KCMF1: variants seen among roughly 807,000 people sequenced by gnomAD.
KCMF1 encodes the protein potassium channel modulatory factor 1.
A neutral mutation model predicts 41.1 loss-of-function variants in KCMF1; 3 were observed. The ratio of observed to expected loss-of-function variants is 0.07; its 90% CI spans 0.03 to 0.19. The LOEUF (loss-of-function observed/expected upper bound fraction) is 0.19. Ranked by LOEUF, KCMF1 falls within the 10% of genes least tolerant of loss-of-function variation. The pLI is 1.00. For missense variants in KCMF1, 286 were observed against 488.9 expected (o/e 0.58, Z 3.91); for synonymous variants, 142 against 164.5 (o/e 0.86, Z 1.04).
chr2:85,006,243 C>T (rs935944568), intron 1 of KCMF1, among the ~76,000 whole-genome samples: 1 of 150,870 alleles, frequency 6.6e-6, no homozygotes, highest in African/African-American at 2.4e-5. Context: ...TTTATAGTTT[C>T]ACTTTCCTTA....
In KCMF1 at chr2:85,049,054, C is replaced by T. The variant is rs1260060339; in HGVS notation, c.602-312C>T. Among the ~76,000 whole-genome samples, 39 of 152,182 alleles carry T rather than the reference C, an allele frequency of 2.6e-4. 2 individuals carry two copies. The highest frequency in any genetic ancestry group is 1.5e-5 in the Non-Finnish European group (1 of 68,042). On this transcript the variant is annotated intron_variant, in intron 5 of 6. Coordinates refer to ENST00000409785, the MANE Select transcript of KCMF1 (RefSeq NM_020122.5). ...TATTATAATTGGGCCCACAGATAAA[C>T]CACTTCATTAAATACTAAGAGAAAG...
At chr2:84,998,619 G>A (rs1674234670) in intron 1 of KCMF1, among the ~76,000 whole-genome samples, 1 of 149,896 alleles carries the variant, frequency 6.7e-6, no homozygotes, top group Admixed American at 6.7e-5. Context: ...TTACTTATTT[G>A]AGACAGAGTC....
chr2:85,011,885 T>A (rs751156213), intron 1 of KCMF1, among the ~76,000 whole-genome samples: 5 of 152,192 alleles, frequency 3.3e-5, no homozygotes, highest in Non-Finnish European at 5.9e-5. Context: ...CTGAAATTGA[T>A]GCCATTAGCC....
intron 1 of KCMF1, 27 bp from the exon 2 acceptor site, chr2:85,027,862 A>G (rs999494961): frequency 2.0e-6 from 3 of 1,504,998 alleles, no homozygotes; most frequent in Non-Finnish European, 2.7e-6. Context: ...TACAACTGGT[A>G]ACTAAAGATA....
At chr2:85,008,320 TC>T (rs1558573473) in intron 1 of KCMF1, among the ~76,000 whole-genome samples, 19 of 68,192 alleles carry the variant, frequency 2.8e-4, no homozygotes, top group East Asian at 6.2e-4. Flanking sequence ...GATATATATA[TC>T]ATATATAATA....
At chr2:85,022,355 T>G (rs1674966557) in intron 1 of KCMF1, among the ~76,000 whole-genome samples, 1 of 151,982 alleles carries the variant, frequency 6.6e-6, no homozygotes. Context: ...ACACCAGTAG[T>G]CCCAGCTACT....
intron 1 of KCMF1, among the ~76,000 whole-genome samples, chr2:84,988,365 G>A (rs981774794): frequency 1.3e-5 from 2 of 152,156 alleles, no homozygotes; most frequent in Non-Finnish European, 2.9e-5. Flanking sequence ...TATGTGCCAG[G>A]CACTGTTGTA....
chr2:85,027,636 A>G lies in KCMF1; in HGVS notation c.17-253A>G, dbSNP rs573694682. The stretch of plus-strand genomic sequence containing the variant: ...GTGATCCACCCGCCTCGACCCCCGC[A>G]AAGTGCTCAGATTACAGGCGTGAGC... On this transcript the variant is annotated intron_variant, in intron 1 of 6. Coordinates refer to ENST00000409785, the MANE Select transcript of KCMF1 (RefSeq NM_020122.5). Among the ~76,000 whole-genome samples, 16 of 152,194 alleles carry G rather than the reference A, an allele frequency of 1.1e-4. 1 individual carries two copies. The South Asian group carries it at 3.3e-3, about 32-fold the overall frequency.
At chr2:85,050,844 T>C (rs543405885) in intron 6 of KCMF1, among the ~76,000 whole-genome samples, 26 of 152,390 alleles carry the variant, frequency 1.7e-4, no homozygotes, top group Admixed American at 6.5e-4. Flanking sequence ...TGTATAGTTA[T>C]AAATAACATA....
At chr2:85,037,327 T>C (rs1422828550) in intron 3 of KCMF1, among the ~76,000 whole-genome samples, 1 of 152,198 alleles carries the variant, frequency 6.6e-6, no homozygotes, top group Non-Finnish European at 1.5e-5. Flanking sequence ...CAGATAAGAA[T>C]CTTTAATATA....
chr2:85,035,293 T>G, intron 3 of KCMF1, 138 bp downstream of exon 3: 1 of 831,018 alleles, frequency 1.2e-6, no homozygotes, highest in African/African-American at 1.7e-5. Flanking sequence ...AATCATCTTT[T>G]AACAGCAAAT....
intron 6 of KCMF1, among the ~76,000 whole-genome samples, chr2:85,051,803 T>C (rs1357194935): frequency 6.6e-6 from 1 of 152,176 alleles, no homozygotes; most frequent in Non-Finnish European, 1.5e-5. Flanking sequence ...TTATTTACTG[T>C]TGGGCTTCTT....
At chr2:85,038,911 C>T (rs937310298) in intron 3 of KCMF1, among the ~76,000 whole-genome samples, 5 of 152,158 alleles carry the variant, frequency 3.3e-5, no homozygotes, top group African/African-American at 9.7e-5. Context: ...GTAGAGACTT[C>T]GTCTCACCGT....
At chr2:85,032,474 T>G (rs1270051607) in intron 2 of KCMF1, among the ~76,000 whole-genome samples, 4 of 152,152 alleles carry the variant, frequency 2.6e-5, no homozygotes, top group African/African-American at 9.7e-5. Context: ...CCTCCCGGGT[T>G]CAAGTGATTC....
intron 1 of KCMF1, among the ~76,000 whole-genome samples, chr2:85,017,070 T>C (rs1388560528): frequency 2.1e-5 from 3 of 145,806 alleles, no homozygotes; most frequent in Non-Finnish European, 4.5e-5. Flanking sequence ...CAGGCGGGAC[T>C]GCGGACTGCA....
chr2:84,997,215 T>C (rs1233223175), intron 1 of KCMF1, among the ~76,000 whole-genome samples: 3 of 152,204 alleles, frequency 2.0e-5, no homozygotes, highest in African/African-American at 4.8e-5. Context: ...CACTTTTTTT[T>C]CCCTCATAAA....
At chr2:85,008,321 C>T (rs764171036) in intron 1 of KCMF1, among the ~76,000 whole-genome samples, 7 of 43,948 alleles carry the variant, frequency 1.6e-4, no homozygotes, top group African/African-American at 5.9e-4. Context: ...ATATATATAT[C>T]ATATATAATA....
chr2:84,971,418 C>A lies in KCMF1; in HGVS notation c.-34C>A. ...CGCGGGGGACACTGCAGCCGGAGCC[C>A]GGGAGGGGCCGCGCCGCCACCGTCT... On this transcript the variant is annotated 5_prime_UTR_variant, in exon 1 of 7. Coordinates refer to ENST00000409785, the MANE Select transcript of KCMF1 (RefSeq NM_020122.5). The A allele has an allele frequency of 8.2e-7, 1 of 1,219,812 alleles. No individual in the cohort carries two copies. 75.6% of individuals were successfully genotyped at this position (1,219,812 alleles called of 1,614,324 possible).
intron 1 of KCMF1, among the ~76,000 whole-genome samples, chr2:84,990,906 G>A (rs2103976814): frequency 6.6e-6 from 1 of 152,224 alleles, no homozygotes; most frequent in East Asian, 1.9e-4. Context: ...GCCTTGGTGA[G>A]GAATTTGATT....
Sources: gnomAD v4.1 joint callset for allele counts (sites outside exome capture counted in the v4.1 genomes callset) on GRCh38, gnomAD v4.1.1 for gene constraint, MANE v1.5 for transcripts, NCBI Gene and HGNC (gene_info 2026-07-23, HGNC 2026-07-21) for gene names.